POLI: variants seen among roughly 807,000 people sequenced by gnomAD.
POLI encodes the protein DNA polymerase iota.
POLI carries 58 observed loss-of-function variants against 51.6 expected under a neutral mutation model. The ratio of observed to expected loss-of-function variants is 1.12; its 90% CI spans 0.91 to 1.40. The LOEUF is 1.40. Among genes scored for constraint, POLI ranks in the 40% most tolerant of loss-of-function variants. The pLI is 0.00. For synonymous variants in POLI, 322 were observed against 299.7 expected (o/e 1.07, Z -0.77); for missense variants, 921 against 871.3 (o/e 1.06, Z -0.72).
At position 54,293,955 on chromosome 18, in the gene POLI, T is replaced by C. The variant is rs1329804485; in HGVS notation, c.1711T>C (p.Phe571Leu). Residue 571 changes from phenylalanine (F) to leucine (L), a missense_variant, in exon 10 of 10, where the codon TTC becomes CTC. Phe to Leu is a conservative substitution (Grantham distance 22). Coordinates refer to ENST00000579534, the MANE Select transcript of POLI (RefSeq NM_007195.3). ...ACATGCCTCTAGAGGAGTATTATCT[T>C]TCTTTTCTAAAAAACAAATGCAAGA... is the stretch of plus-strand genomic sequence containing the variant. Reference protein sequence around the residue: ...PLHASRGVLSFFSKKQMQDIP... With the variant: ...PLHASRGVLSLFSKKQMQDIP... The C allele has an allele frequency of 6.2e-7, 1 of 1,612,844 alleles. No homozygotes were observed. The highest frequency in any genetic ancestry group is 1.7e-5 in the Admixed American group (1 of 59,910).
chr18:54,291,417 A>G (rs1184806299), intron 8 of POLI: 1 of 153,716 alleles, frequency 6.5e-6, no homozygotes, highest in Non-Finnish European at 1.4e-5. Context: ...CCCTGTACCA[A>G]CTGAGCTATG....
At chr18:54,271,931 T>G (rs1211098054) in intron 2 of POLI, among the ~76,000 whole-genome samples, 1 of 152,234 alleles carries the variant, frequency 6.6e-6, no homozygotes, top group Non-Finnish European at 1.5e-5. Flanking sequence ...AACCTAAGTA[T>G]TATTAAGACA....
intron 3 of POLI, among the ~76,000 whole-genome samples, chr18:54,306,615 T>C (rs760590477): frequency 4.6e-5 from 7 of 152,176 alleles, no homozygotes; most frequent in South Asian, 4.1e-4. Flanking sequence ...GATTCTCTCT[T>C]TTTCTGTTAT....
chr18:54,271,117 C>T, intron 1 of POLI: 1 of 315,554 alleles, frequency 3.2e-6, no homozygotes, highest in South Asian at 8.3e-5. Context: ...ACATTTTTTC[C>T]CTTCAAACTT....
intron 3 of POLI, among the ~76,000 whole-genome samples, chr18:54,312,329 A>G (rs1019456990): frequency 2.6e-5 from 4 of 152,112 alleles, no homozygotes; most frequent in Admixed American, 6.6e-5. Context: ...TATATATGCC[A>G]TATTATCTTT....
chr18:54,301,684 C>T (rs1043527292), downstream of POLI, among the ~76,000 whole-genome samples: 1 of 152,142 alleles, frequency 6.6e-6, no homozygotes, highest in Admixed American at 6.6e-5. Flanking sequence ...CTGTTCGTGC[C>T]TCCAGACTCC....
chr18:54,269,480 G>GT, upstream of POLI: 1 of 1,483,984 alleles, frequency 6.7e-7, no homozygotes, highest in South Asian at 1.3e-5. Flanking sequence ...GGAGACTGTA[G>GT]TCCCCCGGTT....
In POLI at chr18:54,280,846, T is replaced by C. The variant is rs1422379722; in HGVS notation, c.739T>C (p.Leu247=). ...TAAACCAAATCAACAAACAGTCTTA[T>C]TACCTGAAAGTTGTCAACATCTTAT... ...VFKPNQQTVL[L]PESCQHLIHS... is the part of the protein sequence containing the mutation. The change falls in exon 5 of 10, where the codon TTA becomes CTA. Residue 247 remains leucine, a synonymous_variant. Transcript: ENST00000579534. The C allele has an allele frequency of 1.9e-6, 3 of 1,613,610 alleles. No homozygotes were observed. Among genetic ancestry groups the C allele is most frequent in the Non-Finnish European group, 2.5e-6 (3 of 1,179,554 alleles).
intron 5 of POLI, among the ~76,000 whole-genome samples, chr18:54,282,501 A>G (rs2087550095): frequency 6.6e-6 from 1 of 152,126 alleles, no homozygotes; most frequent in Admixed American, 6.5e-5. Flanking sequence ...TGAGAGAGAG[A>G]GGCAGAGACC....
intron 3 of POLI, among the ~76,000 whole-genome samples, chr18:54,317,931 A>G (rs1568162528): frequency 6.6e-6 from 1 of 152,186 alleles, no homozygotes; most frequent in Non-Finnish European, 1.5e-5. Context: ...CGCCAAAGCT[A>G]TTAATCCTAA....
intron 8 of POLI, among the ~76,000 whole-genome samples, chr18:54,288,338 A>C (rs1218119249): frequency 2.0e-5 from 3 of 152,000 alleles, no homozygotes; most frequent in African/African-American, 7.2e-5. Flanking sequence ...TTTCTGTTAG[A>C]AGTTTTATAG....
At chr18:54,303,536 C>T (rs755902709) in intron 3 of POLI, among the ~76,000 whole-genome samples, 3 of 152,010 alleles carry the variant, frequency 2.0e-5, no homozygotes, top group Non-Finnish European at 4.4e-5. Context: ...TCCTCATGTG[C>T]TCTGTGATTT....
chr18:54,295,163 G>A lies in POLI; in HGVS notation c.*696G>A. 1.0e-6 allele frequency: 1 copy of A among 984,220 alleles called. No individual in the cohort carries two copies. The highest frequency in any genetic ancestry group is 1.1e-4 in the East Asian group (1 of 8,812). The allele number at this position is 984,220 out of a possible 1,614,324, so 61.0% of individuals were successfully genotyped here. ...GAACTCTCCGTGCAAGTAAATTAAGGGAAAGATGGACACCAGAAAGGCAAG... is the reference window on the plus strand; with the variant it reads ...GAACTCTCCGTGCAAGTAAATTAAGAGAAAGATGGACACCAGAAAGGCAAG... On this transcript the variant is annotated 3_prime_UTR_variant, in exon 10 of 10. Transcript: ENST00000579534.
intron 4 of POLI, 70 bp downstream of exon 4, chr18:54,277,925 G>A (rs1487540211): frequency 1.1e-5 from 13 of 1,150,648 alleles, no homozygotes; most frequent in Middle Eastern, 2.0e-4. Context: ...CAGTGAGTTC[G>A]CTGTGTGATT....
At chr18:54,272,691 C>T (rs965563676) in intron 2 of POLI, among the ~76,000 whole-genome samples, 4 of 150,776 alleles carry the variant, frequency 2.7e-5, no homozygotes, top group Admixed American at 6.7e-5. Context: ...TGGGTGGTCT[C>T]GTATGCTTGA....
intron 6 of POLI, among the ~76,000 whole-genome samples, 189 bp downstream of exon 6, chr18:54,283,204 T>C (rs1051667192): frequency 6.6e-6 from 1 of 152,158 alleles, no homozygotes; most frequent in African/African-American, 2.4e-5. Context: ...TAAGCATTGA[T>C]ATTTTGATAT....
intron 4 of POLI, among the ~76,000 whole-genome samples, chr18:54,279,374 C>T (rs1196048318): frequency 6.6e-6 from 1 of 151,884 alleles, no homozygotes; most frequent in African/African-American, 2.4e-5. Flanking sequence ...TCCCGACTAG[C>T]TGGGACTACA....
rs530003521 is a variant in POLI, at chr18:54,269,542, G to A, written c.-5G>A. On this transcript the variant is annotated 5_prime_UTR_variant, in exon 1 of 10. Transcript: ENST00000579534. ...GGAAGTAGCGCTGCGGTTGGCAGCG[G>A]CGGGATGGAGAAGCTGGGGGTGGAG... 5.3e-6 allele frequency: 8 copies of A among 1,507,894 alleles called. No individual in the cohort carries two copies. The highest frequency in any genetic ancestry group is 2.5e-5 in the South Asian group (2 of 80,422). The allele number at this position is 1,507,894 out of a possible 1,614,324, so 93.4% of individuals were successfully genotyped here.
In POLI at chr18:54,294,392, A is replaced by C. The variant is rs2088192066; in HGVS notation, c.2148A>C (p.Leu716=). The change falls in exon 10 of 10, where the codon CTA becomes CTC. Residue 716 remains leucine (L), a synonymous_variant. Coordinates refer to ENST00000579534, the MANE Select transcript of POLI (RefSeq NM_007195.3). ...TTGATCCTCAAGTTTTCTATGAACT[A>C]CCAGAAGCAGTACAAAAGGAACTGC... ...SDIDPQVFYE[L]PEAVQKELLA... The C allele has an allele frequency of 5.6e-6, 9 of 1,613,512 alleles. No homozygotes were observed. The highest frequency in any genetic ancestry group is 6.8e-6 in the Non-Finnish European group (8 of 1,179,590).
Sources: allele counts gnomAD v4.1 joint callset (sites outside exome capture counted in the v4.1 genomes callset), GRCh38; gene constraint gnomAD v4.1.1; transcripts MANE v1.5; gene names NCBI Gene and HGNC (gene_info 2026-07-23, HGNC 2026-07-21).